FARS2: variants seen among roughly 807,000 people sequenced by gnomAD.
The protein encoded by FARS2 is phenylalanyl-tRNA synthetase 2, mitochondrial.
FARS2 carries 40 observed loss-of-function variants against 46.4 expected under a neutral mutation model. The ratio of observed to expected loss-of-function variants is 0.86; its 90% CI spans 0.67 to 1.12. The LOEUF (loss-of-function observed/expected upper bound fraction) is 1.12, where lower values mean the gene tolerates loss of function less well. Among genes scored for constraint, FARS2 ranks in the 50% most tolerant of loss-of-function variants. FARS2 has a pLI of 0.00. For synonymous variants in FARS2, 234 were observed against 214.9 expected, an observed-to-expected ratio of 1.09 and a Z score of -0.78; for missense variants, 513 against 567.9, an observed-to-expected ratio of 0.90 and a Z score of 0.98.
chr6:5,524,202 A>G (rs976217786), intron 4 of FARS2, among the ~76,000 whole-genome samples: 2 of 152,242 alleles, frequency 1.3e-5, no homozygotes, highest in Admixed American at 1.3e-4. Flanking sequence ...CGAGCAATCC[A>G]TAAGACACTA....
At chr6:5,640,270 A>G (rs983746461) in intron 6 of FARS2, among the ~76,000 whole-genome samples, 1 of 152,054 alleles carries the variant, frequency 6.6e-6, no homozygotes, top group South Asian at 2.1e-4. Flanking sequence ...ATGTACTGGT[A>G]CTGTGGGAGG....
upstream of FARS2, among the ~76,000 whole-genome samples, chr6:5,260,471 C>G (rs541550858): frequency 1.9e-4 from 29 of 152,382 alleles, no homozygotes; most frequent in East Asian, 5.0e-3. Context: ...CCCGAGGTCT[C>G]AGAGGCCACA....
chr6:5,472,699 G>A (rs1765872595), intron 4 of FARS2, among the ~76,000 whole-genome samples: 1 of 151,940 alleles, frequency 6.6e-6, no homozygotes, highest in Non-Finnish European at 1.5e-5. Flanking sequence ...GTGGTCCAAG[G>A]TGCAATTATC....
At chr6:5,292,618 G>A (rs769943046) in intron 1 of FARS2, among the ~76,000 whole-genome samples, 76 of 152,172 alleles carry the variant, frequency 5.0e-4, no homozygotes, top group Admixed American at 2.4e-3. Context: ...GCAGAAGGTG[G>A]TATTAGATTT....
intron 6 of FARS2, among the ~76,000 whole-genome samples, chr6:5,699,430 G>A (rs1758287294): frequency 6.6e-6 from 1 of 152,024 alleles, no homozygotes; most frequent in East Asian, 1.9e-4. Context: ...CATCAGCTGG[G>A]GTCTTGCTAA....
Position 5,465,775 on chromosome 6 carries a change from G to GT in FARS2, c.904+34613dup, listed in dbSNP as rs922887479. On this transcript the variant is annotated intron_variant, in intron 4 of 6. Transcript: ENST00000274680. ...GGCATTAAAAGTCCATTCATTGGAA[G>GT]TTTTTTTTTTAATGTAAGCATCATT... 2.4e-3 allele frequency among the ~76,000 whole-genome samples: 350 copies of GT among 146,458 alleles called. 1 individual carries two copies. The highest frequency in any genetic ancestry group is 7.8e-3 in the African/African-American group (312 of 40,046).
intron 6 of FARS2, among the ~76,000 whole-genome samples, chr6:5,626,451 C>T (rs777900126): frequency 6.6e-6 from 1 of 152,146 alleles, no homozygotes; most frequent in Non-Finnish European, 1.5e-5. Flanking sequence ...GGGACACCAC[C>T]GTTGAGGCTT....
chr6:5,688,667 T>G (rs1757443498), intron 6 of FARS2, among the ~76,000 whole-genome samples: 1 of 152,210 alleles, frequency 6.6e-6, no homozygotes, highest in Non-Finnish European at 1.5e-5. Flanking sequence ...ATTCTCTTTT[T>G]TTGTTGTGTC....
At chr6:5,440,911 TTTTC>T (rs1453489528) in intron 4 of FARS2, among the ~76,000 whole-genome samples, 1 of 136,120 alleles carries the variant, frequency 7.3e-6, no homozygotes, top group Admixed American at 7.5e-5. Flanking sequence ...GCTCAGTCCA[TTTTC>T]TTTCTTTTTT....
At chr6:5,323,403 A>G (rs1378497006) in intron 1 of FARS2, among the ~76,000 whole-genome samples, 1 of 152,218 alleles carries the variant, frequency 6.6e-6, no homozygotes, top group Non-Finnish European at 1.5e-5. Flanking sequence ...TTTGTACAAT[A>G]GAGACACTGA....
intron 1 of FARS2, among the ~76,000 whole-genome samples, chr6:5,344,391 C>T (rs1027270895): frequency 2.0e-5 from 3 of 152,202 alleles, no homozygotes; most frequent in African/African-American, 7.2e-5. Context: ...CATTCAGAGT[C>T]GTTGCTGCTG....
intron 6 of FARS2, among the ~76,000 whole-genome samples, chr6:5,623,676 C>T (rs1775886250): frequency 6.6e-6 from 1 of 151,096 alleles, no homozygotes; most frequent in East Asian, 1.9e-4. Flanking sequence ...CATGCCACTA[C>T]ACTCCAGCCT....
chr6:5,613,412 G>A, intron 6 of FARS2, 92 bp downstream of exon 6: 1 of 1,083,022 alleles, frequency 9.2e-7, no homozygotes, highest in Non-Finnish European at 1.3e-6. Flanking sequence ...GAAACCCAGG[G>A]TATCTGAGAC....
At chr6:5,262,145 C>T (rs1354900746) in intron 1 of FARS2, among the ~76,000 whole-genome samples, 2 of 152,234 alleles carry the variant, frequency 1.3e-5, no homozygotes, top group African/African-American at 4.8e-5. Flanking sequence ...AACAAAACAA[C>T]TTTGCATTAA....
chr6:5,392,733 TATACACACACAC>T (rs1217670970), intron 2 of FARS2, among the ~76,000 whole-genome samples: 89 of 85,118 alleles, frequency 1.0e-3, no homozygotes, highest in Admixed American at 4.0e-3. Flanking sequence ...AATATATATA[TATACACACACAC>T]ACACACACAC....
intron 1 of FARS2, among the ~76,000 whole-genome samples, chr6:5,318,699 C>T (rs911822209): frequency 1.3e-5 from 2 of 152,166 alleles, no homozygotes; most frequent in African/African-American, 4.8e-5. Context: ...GGTTTAAATA[C>T]TCTCTAGAGC....
At chr6:5,298,729 A>C (rs1309023810) in intron 1 of FARS2, among the ~76,000 whole-genome samples, 3 of 152,128 alleles carry the variant, frequency 2.0e-5, no homozygotes, top group Non-Finnish European at 4.4e-5. Context: ...ATTTCTTTTT[A>C]ATACCTTGTT....
At chr6:5,253,764 C>T in the FARS2 span, among the ~76,000 whole-genome samples, 3 of 150,382 alleles carry the variant, frequency 2.0e-5, no homozygotes, top group Non-Finnish European at 4.4e-5. Context: ...GTTGACCATT[C>T]GATGGTCGTT....
intron 1 of FARS2, among the ~76,000 whole-genome samples, chr6:5,290,439 T>G (rs2127512199): frequency 6.6e-6 from 1 of 152,338 alleles, no homozygotes; most frequent in Non-Finnish European, 1.5e-5. Flanking sequence ...GTATCTGTTT[T>G]AAATTGACAA....
Sources: allele counts gnomAD v4.1 joint callset (sites outside exome capture counted in the v4.1 genomes callset), GRCh38; gene constraint gnomAD v4.1.1; transcripts MANE v1.5; gene names NCBI Gene and HGNC (gene_info 2026-07-23, HGNC 2026-07-21).